Variants in CACHD1 observed in about 807,000 individuals in gnomAD.
CACHD1 encodes cache domain containing 1, also known as VWFA and cache domain-containing protein 1.
Under a neutral mutation model 138.7 loss-of-function variants are expected in CACHD1, and 71 were observed. That is an observed-to-expected ratio of 0.51 (90% confidence interval 0.42 to 0.62). CACHD1 has a LOEUF of 0.62. Among genes scored for constraint, CACHD1 ranks in the 20% least tolerant of loss-of-function variants. The probability of loss-of-function intolerance (pLI) is 0.00; values close to 1 mark genes in which losing one functional copy is unlikely to be tolerated. For missense variants in CACHD1, 1,389 were observed against 1,625.3 expected (o/e 0.85, Z 2.50); for synonymous variants, 578 against 591.5 (o/e 0.98, Z 0.33).
chr1:64,663,156 T>C (rs1165906272), intron 13 of CACHD1, among the ~76,000 whole-genome samples: 2 of 150,464 alleles, frequency 1.3e-5, no homozygotes, highest in Non-Finnish European at 3.0e-5. Context: ...TCAGATAGTT[T>C]GAAGAATTTC....
intron 5 of CACHD1, among the ~76,000 whole-genome samples, chr1:64,630,793 A>C (rs1047764382): frequency 1.3e-5 from 2 of 152,324 alleles, no homozygotes; most frequent in Non-Finnish European, 2.9e-5. Context: ...ACCTGTGAAG[A>C]AAAGTTTAAA....
intron 1 of CACHD1, among the ~76,000 whole-genome samples, chr1:64,546,668 T>G (rs1449135058): frequency 1.3e-5 from 2 of 152,140 alleles, no homozygotes; most frequent in Non-Finnish European, 2.9e-5. Context: ...AAAATTTTCC[T>G]TTCCATTTCC....
chr1:64,672,346 A>G (rs1237510313), intron 17 of CACHD1, among the ~76,000 whole-genome samples: 2 of 152,216 alleles, frequency 1.3e-5, no homozygotes, highest in Admixed American at 1.3e-4. Context: ...TTCTAGCTTC[A>G]TTTATTGTTT....
At chr1:64,678,515 A>C (rs183967164) in intron 23 of CACHD1, among the ~76,000 whole-genome samples, 1 of 152,280 alleles carries the variant, frequency 6.6e-6, no homozygotes, top group East Asian at 1.9e-4. Flanking sequence ...TGTGCTGCCA[A>C]ATTTTACAAG....
chr1:64,574,163 A>G (rs1646947931), intron 2 of CACHD1, among the ~76,000 whole-genome samples: 2 of 152,200 alleles, frequency 1.3e-5, no homozygotes, highest in South Asian at 4.1e-4. Context: ...GTTAGCAGAA[A>G]GAGAATTGAG....
chr1:64,625,207 A>G (rs926585314), intron 4 of CACHD1, among the ~76,000 whole-genome samples: 1 of 152,204 alleles, frequency 6.6e-6, no homozygotes, highest in East Asian at 1.9e-4. Context: ...CAGAAAGTCA[A>G]ATACTGAATG....
At chr1:64,563,457 A>G (rs1646857828) in intron 2 of CACHD1, among the ~76,000 whole-genome samples, 1 of 152,244 alleles carries the variant, frequency 6.6e-6, no homozygotes. Context: ...ATACTTCCAG[A>G]TGTAGACCTT....
chr1:64,691,781 G>A lies in CACHD1; in HGVS notation c.*220G>A. ...TGTGAGGCTGGTTCTGAAATGGAGG[G>A]GAAATAAGCCTGATGAACAGACCTG... On this transcript the variant is annotated 3_prime_UTR_variant, in exon 27 of 27. Transcript: ENST00000651257. 1.8e-6 allele frequency: 1 copy of A among 565,032 alleles called. No homozygotes were observed. The highest frequency in any genetic ancestry group is 2.9e-5 in the East Asian group (1 of 33,980). The allele number at this position is 565,032 out of a possible 1,614,324, so 35.0% of individuals were successfully genotyped here.
intron 1 of CACHD1, among the ~76,000 whole-genome samples, chr1:64,504,113 C>T (rs1449786036): frequency 1.3e-5 from 2 of 152,186 alleles, no homozygotes; most frequent in African/African-American, 4.8e-5. Flanking sequence ...ACTGTAACCC[C>T]CACCTCCTGG....
At chr1:64,685,872 TG>T (rs1209490625) in intron 26 of CACHD1, among the ~76,000 whole-genome samples, 22 of 151,368 alleles carry the variant, frequency 1.5e-4, no homozygotes, top group African/African-American at 5.3e-4. Flanking sequence ...AAAAAAATGC[TG>T]GGTGGAGTTG....
chr1:64,651,387 G>A (rs1194426666), intron 9 of CACHD1, among the ~76,000 whole-genome samples: 2 of 152,044 alleles, frequency 1.3e-5, no homozygotes, highest in Non-Finnish European at 2.9e-5. Flanking sequence ...TTTAAAGGAT[G>A]CATTAATGGG....
At chr1:64,541,774 ATG>A (rs1334713534) in intron 1 of CACHD1, among the ~76,000 whole-genome samples, 1 of 152,172 alleles carries the variant, frequency 6.6e-6, no homozygotes, top group African/African-American at 2.4e-5. Flanking sequence ...CAAGTCTGCA[ATG>A]AGATGTGATC....
chr1:64,476,164 G>A (rs1414262666), intron 1 of CACHD1, among the ~76,000 whole-genome samples: 1 of 152,160 alleles, frequency 6.6e-6, no homozygotes, highest in Non-Finnish European at 1.5e-5. Context: ...CAAATCAGTA[G>A]TTCATTAGAT....
chr1:64,675,513 C>T lies in CACHD1; in HGVS notation c.2840C>T (p.Ala947Val). 6.2e-7 allele frequency: 1 copy of T among 1,613,474 alleles called. No homozygotes were observed. The highest frequency in any genetic ancestry group is 1.7e-5 in the Admixed American group (1 of 60,018). ...GTCAACGAAACCTGCGACTCTCTTG[C>T]CTTCTGTGCCTGCAGCATGGTGGAC... ...GIVNETCDSL[A>V]FCACSMVDRL... The change falls in exon 20 of 27, where the codon GCC becomes GTC. Residue 947 changes from alanine to valine, a missense_variant. By Grantham distance (64) the Ala-to-Val change is moderately conservative. Coordinates refer to ENST00000651257, the MANE Select transcript of CACHD1 (RefSeq NM_020925.4).
chr1:64,612,485 A>G (rs1461549279), intron 4 of CACHD1, among the ~76,000 whole-genome samples: 2 of 152,170 alleles, frequency 1.3e-5, no homozygotes, highest in African/African-American at 4.8e-5. Flanking sequence ...TATAATGAGT[A>G]TGTAAGGAAA....
chr1:64,568,454 T>C (rs1353943500), intron 2 of CACHD1, among the ~76,000 whole-genome samples: 1 of 151,984 alleles, frequency 6.6e-6, no homozygotes, highest in Non-Finnish European at 1.5e-5. Flanking sequence ...TGGACAATAG[T>C]CAGGATGCTT....
intron 1 of CACHD1, among the ~76,000 whole-genome samples, chr1:64,547,444 C>T (rs1646726315): frequency 6.6e-6 from 1 of 152,188 alleles, no homozygotes; most frequent in Admixed American, 6.5e-5. Flanking sequence ...TGACTCACTG[C>T]AACCTCTGCC....
rs964480682 is a variant in CACHD1 at position 64,691,802 on chromosome 1, A to T, written c.*241A>T. The T allele has an allele frequency of 1.2e-5, 6 of 519,854 alleles. No homozygotes were observed. The highest frequency in any genetic ancestry group is 1.1e-4 in the African/African-American group (6 of 52,438). 32.2% of individuals were successfully genotyped at this position (519,854 alleles called of 1,614,324 possible). ...GAGGGGAAATAAGCCTGATGAACAGACCTGCCATAACACTAATGGAAGGTA... is the reference window on the plus strand; with the variant it reads ...GAGGGGAAATAAGCCTGATGAACAGTCCTGCCATAACACTAATGGAAGGTA... On this transcript the variant is annotated 3_prime_UTR_variant, in exon 27 of 27. Coordinates refer to ENST00000651257, the MANE Select transcript of CACHD1 (RefSeq NM_020925.4).
At chr1:64,673,998 T>A (rs1206864016) in intron 19 of CACHD1, among the ~76,000 whole-genome samples, 1 of 152,200 alleles carries the variant, frequency 6.6e-6, no homozygotes, top group Non-Finnish European at 1.5e-5. Context: ...CTTAAGGACA[T>A]TCTCATTAAT....
Sources: gnomAD v4.1 joint callset for allele counts (sites outside exome capture counted in the v4.1 genomes callset) on GRCh38, gnomAD v4.1.1 for gene constraint, MANE v1.5 for transcripts, NCBI Gene and HGNC (gene_info 2026-07-23, HGNC 2026-07-21) for gene names.